The following PFKL variants were observed in gnomAD, a reference collection of about 807,000 sequenced individuals.
The protein encoded by PFKL is phosphofructokinase, liver type, also known as ATP-dependent 6-phosphofructokinase, liver type.
In PFKL, 74 loss-of-function variants were observed where a neutral mutation model predicts 92.1. The observed-to-expected ratio is 0.80, with a 90% CI of 0.67 to 0.97. The LOEUF is 0.97. Among genes scored for constraint, PFKL ranks in the 50% least tolerant of loss-of-function variants. PFKL has a pLI of 0.00. For synonymous variants in PFKL, 494 were observed against 456.4 expected (o/e 1.08, Z -1.05); for missense variants, 1,028 against 1,116.6 (o/e 0.92, Z 1.13).
intron 15 of PFKL, 21 bp downstream of exon 15, chr21:44,323,070 A>C: frequency 5.7e-6 from 6 of 1,057,200 alleles, no homozygotes; most frequent in Non-Finnish European, 7.7e-6. Flanking sequence ...CCCACGGACG[A>C]AAAAGCCCCA....
chr21:44,300,388 G>A (rs2040737088), intron 1 of PFKL, among the ~76,000 whole-genome samples, 198 bp downstream of exon 1: 1 of 151,934 alleles, frequency 6.6e-6, no homozygotes, highest in Non-Finnish European at 1.5e-5. Context: ...ACGTGCGGCC[G>A]GCCACGTTCT....
At chr21:44,302,158 G>A (rs183127936) in intron 1 of PFKL, among the ~76,000 whole-genome samples, 1 of 152,364 alleles carries the variant, frequency 6.6e-6, no homozygotes, top group African/African-American at 2.4e-5. Context: ...CTGCAGCTGG[G>A]AGGGTGCCCA....
chr21:44,300,978 G>C (rs2040758383), intron 1 of PFKL, among the ~76,000 whole-genome samples: 1 of 152,232 alleles, frequency 6.6e-6, no homozygotes, highest in South Asian at 2.1e-4. Context: ...GAGGAGAGAG[G>C]AGAGGATTTA....
At chr21:44,321,684 C>T (rs2047358003) in intron 12 of PFKL, 45 bp from the exon 13 acceptor site, 1 of 1,474,522 alleles carries the variant, frequency 6.8e-7, no homozygotes, top group Non-Finnish European at 9.0e-7. Flanking sequence ...GTTGGGGGTC[C>T]CCTCCCCGGC....
chr21:44,316,500 G>A lies in PFKL; in HGVS notation c.912G>A (p.Thr304=), dbSNP rs9980790. The part of the protein sequence containing the change: ...TVLGHVQRGG[T]PSAFDRILSS... ...TGGGCCACGTGCAGCGGGGAGGGACGCCCTCTGCCTTCGACCGGATCCTGG... is the reference window on the plus strand; with the variant it reads ...TGGGCCACGTGCAGCGGGGAGGGACACCCTCTGCCTTCGACCGGATCCTGG... Residue 304 remains threonine (T), a synonymous_variant, in exon 9 of 22, where the codon ACG becomes ACA. Transcript: ENST00000349048. 3,007 of 1,603,388 alleles carry A rather than the reference G, an allele frequency of 1.9e-3. 40 individuals are homozygous for A. The African/African-American group carries it at 0.036, about 19-fold the overall frequency.
chr21:44,309,593 C>G (rs1602008329), intron 2 of PFKL, among the ~76,000 whole-genome samples: 1 of 152,216 alleles, frequency 6.6e-6, no homozygotes, highest in African/African-American at 2.4e-5. Flanking sequence ...CCTGCCTGCC[C>G]CTCCGCCCAG....
intron 3 of PFKL, among the ~76,000 whole-genome samples, chr21:44,311,824 G>A (rs1274548633): frequency 6.6e-6 from 1 of 152,208 alleles, no homozygotes; most frequent in African/African-American, 2.4e-5. Context: ...ACCTATGCGT[G>A]TGTGTACTGT....
chr21:44,312,181 TG>T lies in PFKL; in HGVS notation c.316del (p.Val106SerfsTer51). ...REGRRAAAYNLVQHGITNLCV... is the reference protein window; with the variant it reads ...REGRRAAAYNXVQHGITNLCV... ...GGGCGCCGGGCAGCGGCCTACAACC[TG>T]GTCCAGCACGGCATCACCAACCTGT... On this transcript the variant is annotated frameshift_variant, in exon 4 of 22. Coordinates refer to ENST00000349048, the MANE Select transcript of PFKL (RefSeq NM_002626.6). LOFTEE classifies it high-confidence loss of function. 2 of 1,602,876 alleles carry T rather than the reference TG, an allele frequency of 1.2e-6. No individual in the cohort carries two copies. The highest frequency in any genetic ancestry group is 8.5e-7 in the Non-Finnish European group (1 of 1,175,534).
In PFKL at chr21:44,321,711, C is replaced by T. The variant is rs762594882; in HGVS notation, c.1192-18C>T. 3 of 1,535,382 alleles carry T rather than the reference C, an allele frequency of 2.0e-6. No homozygotes were observed. The highest frequency in any genetic ancestry group is 2.8e-5 in the African/African-American group (2 of 72,438). Reference sequence around the variant, plus strand: ...CTCCCCGGCTGTGCCTCACGCTCATCTCCCCTTCTCTCTGAAGTCTAACTT... The same window carrying T: ...CTCCCCGGCTGTGCCTCACGCTCATTTCCCCTTCTCTCTGAAGTCTAACTT... On this transcript the variant is annotated intron_variant, in intron 12 of 21. Transcript: ENST00000349048.
chr21:44,305,503 C>G, intron 1 of PFKL: 1 of 1,177,324 alleles, frequency 8.5e-7, no homozygotes, highest in Non-Finnish European at 1.1e-6. Flanking sequence ...AGAGGACCCG[C>G]ATGGCTTAGG....
chr21:44,324,775 C>T, intron 17 of PFKL, 81 bp from the exon 18 acceptor site: 1 of 1,579,114 alleles, frequency 6.3e-7, no homozygotes, highest in Non-Finnish European at 8.7e-7. Flanking sequence ...GCCCAGTGCT[C>T]CTGCTGGCCC....
At chr21:44,312,651 C>T (rs951702512) in intron 4 of PFKL, among the ~76,000 whole-genome samples, 1 of 152,246 alleles carries the variant, frequency 6.6e-6, no homozygotes, top group African/African-American at 2.4e-5. Context: ...GTTGGGGTGA[C>T]ATAAGACACA....
rs187534699 is a variant in PFKL, at chr21:44,322,017, A to G, written c.1339-116A>G. 4.7e-4 allele frequency: 683 copies of G among 1,444,596 alleles called. 6 individuals are homozygous for G. The East Asian group carries it at 0.012, about 26-fold the overall frequency. The allele number at this position is 1,444,596 out of a possible 1,614,324, so 89.5% of individuals were successfully genotyped here. A position where few individuals can be genotyped will look rare whatever the true frequency, so the allele number is the denominator to read the frequency against. On this transcript the variant is annotated intron_variant, in intron 13 of 21. Coordinates refer to ENST00000349048, the MANE Select transcript of PFKL (RefSeq NM_002626.6). ...GGTGCCCACCCGGGCCTGGGTACTC[A>G]GCTCTGCCTGCAGCGTGATGCCCAA...
chr21:44,302,624 G>A (rs1483925338), intron 1 of PFKL, among the ~76,000 whole-genome samples: 2 of 152,218 alleles, frequency 1.3e-5, no homozygotes, highest in Non-Finnish European at 2.9e-5. Context: ...GGCAGCAGGA[G>A]AGTGGGGACT....
At chr21:44,302,484 C>T (rs1028731155) in intron 1 of PFKL, among the ~76,000 whole-genome samples, 6 of 152,150 alleles carry the variant, frequency 3.9e-5, no homozygotes, top group Admixed American at 1.3e-4. Flanking sequence ...CTGCTGCTGC[C>T]GTGTGGCTCC....
At chr21:44,308,090 G>A (rs2041004397) in intron 2 of PFKL, among the ~76,000 whole-genome samples, 1 of 152,188 alleles carries the variant, frequency 6.6e-6, no homozygotes, top group Non-Finnish European at 1.5e-5. Flanking sequence ...TGAGGCCCTC[G>A]GAGGTGGGGG....
chr21:44,322,268 G>A, intron 14 of PFKL, 65 bp downstream of exon 14: 3 of 1,480,842 alleles, frequency 2.0e-6, no homozygotes, highest in Non-Finnish European at 2.7e-6. Context: ...GGCCCTGCAG[G>A]TGGGGGCGGC....
At chr21:44,315,083 A>C (rs2047166785) in intron 7 of PFKL, 1 of 152,426 alleles carries the variant, frequency 6.6e-6, no homozygotes, top group South Asian at 2.1e-4. Flanking sequence ...AGTGGAGCCT[A>C]GGGGCCGGGC....
intron 1 of PFKL, among the ~76,000 whole-genome samples, chr21:44,304,047 C>G (rs1001663029): frequency 1.7e-5 from 1 of 58,692 alleles, no homozygotes; most frequent in Non-Finnish European, 3.1e-5. Context: ...AAATCCAGAA[C>G]GTGTCCCTTT....
Sources: allele counts gnomAD v4.1 joint callset (sites outside exome capture counted in the v4.1 genomes callset), GRCh38; gene constraint gnomAD v4.1.1; transcripts MANE v1.5; gene names NCBI Gene and HGNC (gene_info 2026-07-23, HGNC 2026-07-21).